The following BPIFC variants were observed in gnomAD, a reference collection of about 807,000 sequenced individuals.
BPIFC encodes BPI fold containing family C, also known as BPI fold-containing family C protein.
In BPIFC, 60 loss-of-function variants were observed where a neutral mutation model predicts 57.6. The ratio of observed to expected loss-of-function variants is 1.04; its 90% CI spans 0.85 to 1.29. The LOEUF is 1.29. BPIFC is among the 50% of genes most tolerant of loss of function. The probability of loss-of-function intolerance (pLI) is 0.00; values close to 1 mark genes in which losing one functional copy is unlikely to be tolerated. For missense variants in BPIFC, 581 were observed against 600.5 expected (o/e 0.97, Z 0.34); for synonymous variants, 243 against 224.5 (o/e 1.08, Z -0.74).
chr22:32,432,732 T>C (rs1231222280), intron 11 of BPIFC, among the ~76,000 whole-genome samples, 189 bp from the exon 12 acceptor site: 1 of 152,222 alleles, frequency 6.6e-6, no homozygotes, highest in Non-Finnish European at 1.5e-5. Context: ...CTGAACATAA[T>C]ACTTGATACT....
chr22:32,450,014 G>A (rs1432346352), intron 4 of BPIFC, among the ~76,000 whole-genome samples: 1 of 151,924 alleles, frequency 6.6e-6, no homozygotes, highest in Non-Finnish European at 1.5e-5. Context: ...GATTACAAGC[G>A]TGAGCCATCA....
chr22:32,423,571 G>GGTATGGGT (rs1569447522), intron 13 of BPIFC, among the ~76,000 whole-genome samples: 3 of 96,132 alleles, frequency 3.1e-5, no homozygotes, highest in Admixed American at 1.1e-4. Context: ...GGAGTTGTAG[G>GGTATGGGT]GTGTGGGTGT....
intron 3 of BPIFC, among the ~76,000 whole-genome samples, chr22:32,455,109 G>T (rs1935004182): frequency 7.3e-6 from 1 of 137,522 alleles, no homozygotes; most frequent in Non-Finnish European, 1.5e-5. Flanking sequence ...GGAGTGTAGT[G>T]GTGCGATCTC....
intron 4 of BPIFC, among the ~76,000 whole-genome samples, chr22:32,448,761 A>T (rs1934804518): frequency 6.6e-6 from 1 of 152,038 alleles, no homozygotes; most frequent in Non-Finnish European, 1.5e-5. Context: ...AACATAGTGA[A>T]ACCCCGTGTC....
rs1934721587 is a variant in BPIFC, at chr22:32,446,095, T to A, written c.375-99A>T. 5.7e-6 allele frequency: 8 copies of A among 1,406,738 alleles called. No homozygotes were observed. In the South Asian group the frequency reaches 9.5e-5, roughly 17 times the overall value. 87.1% of individuals were successfully genotyped at this position (1,406,738 alleles called of 1,614,324 possible). A position where few individuals can be genotyped will look rare whatever the true frequency, so the allele number is the denominator to read the frequency against. On this transcript the variant is annotated intron_variant, in intron 5 of 16. Coordinates refer to ENST00000300399, the MANE Select transcript of BPIFC (RefSeq NM_174932.3). Reference sequence around the variant, plus strand: ...GAGACTCTAAGCTCCTGGACTGCAGTGACTTTGTCATGTTCACCTCTGACT... The same window carrying A: ...GAGACTCTAAGCTCCTGGACTGCAGAGACTTTGTCATGTTCACCTCTGACT...
At chr22:32,426,778 G>C (rs1325077690) in intron 13 of BPIFC, among the ~76,000 whole-genome samples, 2 of 151,870 alleles carry the variant, frequency 1.3e-5, no homozygotes, top group Non-Finnish European at 2.9e-5. Context: ...TGTAATCCCA[G>C]CTACCCAGGA....
At chr22:32,456,710 T>C (rs572270073) in intron 3 of BPIFC, among the ~76,000 whole-genome samples, 92 of 152,238 alleles carry the variant, frequency 6.0e-4, no homozygotes, top group Non-Finnish European at 1.2e-3. Flanking sequence ...CACCTCATCT[T>C]AGCCCAAGGA....
At chr22:32,436,467 A>G (rs548556952) in intron 9 of BPIFC, among the ~76,000 whole-genome samples, 22 of 150,284 alleles carry the variant, frequency 1.5e-4, no homozygotes, top group African/African-American at 5.2e-4. Flanking sequence ...AGAAGAAGAA[A>G]AAGAAGAGGA....
intron 13 of BPIFC, among the ~76,000 whole-genome samples, chr22:32,423,973 G>C (rs1933924741): frequency 1.3e-5 from 2 of 151,340 alleles, no homozygotes; most frequent in Admixed American, 6.6e-5. Context: ...ATCCTGACTT[G>C]TCATGTCTCT....
intron 13 of BPIFC, among the ~76,000 whole-genome samples, chr22:32,425,942 G>C (rs1018491003): frequency 2.0e-5 from 3 of 152,144 alleles, no homozygotes; most frequent in Non-Finnish European, 4.4e-5. Context: ...GGAGGAAATG[G>C]AGTCCAAGAG....
intron 4 of BPIFC, 85 bp downstream of exon 4, chr22:32,453,298 A>G (rs1200795846): frequency 2.0e-6 from 2 of 978,464 alleles, no homozygotes; most frequent in African/African-American, 3.4e-5. Context: ...CTGGATTCTG[A>G]TGAAATCGTG....
rs1933604855 is a variant in BPIFC at position 32,414,275 on chromosome 22, CT to C, written c.*27del. ...TAGTTGTAGGATTAAGGACCATTTACTTCCTGGGGTGAATTGCAAACCGGCA... is the reference window on the plus strand; with the variant it reads ...TAGTTGTAGGATTAAGGACCATTTACTCCTGGGGTGAATTGCAAACCGGCA... On this transcript the variant is annotated 3_prime_UTR_variant, in exon 17 of 17. Coordinates refer to ENST00000300399, the MANE Select transcript of BPIFC (RefSeq NM_174932.3). The C allele has an allele frequency of 6.2e-7, 1 of 1,611,494 alleles. No homozygotes were observed. The highest frequency in any genetic ancestry group is 8.5e-7 in the Non-Finnish European group (1 of 1,178,512).
intron 13 of BPIFC, among the ~76,000 whole-genome samples, chr22:32,427,547 T>A (rs1405877963): frequency 6.6e-6 from 1 of 152,172 alleles, no homozygotes; most frequent in Non-Finnish European, 1.5e-5. Flanking sequence ...TCTTTCCTCT[T>A]TGTTTCCCAA....
At chr22:32,442,389 T>C (rs2179166) in intron 8 of BPIFC, among the ~76,000 whole-genome samples, 116,941 of 152,048 alleles carry the variant, frequency 0.77, 45,138 homozygotes, top group African/African-American at 0.81. Flanking sequence ...GGATGTAATG[T>C]CACTGCTTGG....
chr22:32,431,439 A>ATTTATTTATTTTTTTTTATTTTTTT, intron 12 of BPIFC, 25 bp from the exon 13 acceptor site: 1 of 1,343,076 alleles, frequency 7.4e-7, no homozygotes, highest in Middle Eastern at 1.9e-4. Flanking sequence ...AGCATTTATT[A>ATTTATTTATTTTTTTTTATTTTTTT]TTAAGACGAG....
chr22:32,424,638 T>C (rs1250545148), intron 13 of BPIFC, among the ~76,000 whole-genome samples: 832 of 57,978 alleles, frequency 0.014, 129 homozygotes, highest in East Asian at 0.053. Flanking sequence ...CTCTTCTTCT[T>C]CTTCTCTTCT....
chr22:32,424,678 TTCTTCTTCTTCTTCCTCTTCTTCTTCC>T (rs1933980297), intron 13 of BPIFC, among the ~76,000 whole-genome samples: 3 of 90,458 alleles, frequency 3.3e-5, no homozygotes, highest in Non-Finnish European at 5.9e-5. Context: ...CTTCTTCTTC[TTCTTCTTCTTCTTCCTCTTCTTCTTCC>T]TCTTCTTCTT....
intron 16 of BPIFC, among the ~76,000 whole-genome samples, chr22:32,414,789 A>G (rs1933622290): frequency 6.6e-6 from 1 of 152,130 alleles, no homozygotes; most frequent in Non-Finnish European, 1.5e-5. Context: ...ATGAGCCACC[A>G]TGCCCAGCTG....
chr22:32,460,540 G>A (rs900264384), intron 2 of BPIFC, among the ~76,000 whole-genome samples: 2 of 152,154 alleles, frequency 1.3e-5, no homozygotes, highest in Admixed American at 6.5e-5. Context: ...GATCTCCTAG[G>A]AGCCCCCTCT....
Sources: gnomAD v4.1 joint callset for allele counts (sites outside exome capture counted in the v4.1 genomes callset) on GRCh38, gnomAD v4.1.1 for gene constraint, MANE v1.5 for transcripts, NCBI Gene and HGNC (gene_info 2026-07-23, HGNC 2026-07-21) for gene names.